The following PCDH15 variants were observed in gnomAD, a reference collection of about 807,000 sequenced individuals.
PCDH15 encodes the protein protocadherin related 15.
Under a neutral mutation model 178.5 loss-of-function variants are expected in PCDH15, and 129 were observed. That is an observed-to-expected ratio of 0.72 (90% confidence interval 0.63 to 0.84). PCDH15 has a LOEUF of 0.84. PCDH15 is among the 40% of genes least tolerant of loss of function. PCDH15 has a pLI of 0.00. For missense variants in PCDH15, 2,230 were observed against 2,099.9 expected (o/e 1.06, Z -1.21); for synonymous variants, 800 against 732.0 (o/e 1.09, Z -1.50).
intron 2 of PCDH15, among the ~76,000 whole-genome samples, chr10:55,446,307 A>ATG (rs1035640246): frequency 6.3e-5 from 8 of 126,094 alleles, no homozygotes; most frequent in Non-Finnish European, 1.1e-4. Flanking sequence ...AGAGATAGAT[A>ATG]TGTGTATATA....
At chr10:55,575,755 C>T (rs1842484823) in intron 2 of PCDH15, 1 of 152,176 alleles carries the variant, frequency 6.6e-6, no homozygotes, top group Admixed American at 6.6e-5. Flanking sequence ...CTGTTAGACA[C>T]TTGGAGGAAA....
intron 2 of PCDH15, among the ~76,000 whole-genome samples, chr10:54,969,124 T>A (rs1224720169): frequency 6.6e-6 from 1 of 152,114 alleles, no homozygotes; most frequent in Non-Finnish European, 1.5e-5. Context: ...TTCTTGCTTT[T>A]TAAAATACCT....
chr10:53,878,537 T>A (rs941076193), intron 26 of PCDH15, among the ~76,000 whole-genome samples: 13 of 146,814 alleles, frequency 8.9e-5, no homozygotes, highest in Non-Finnish European at 1.3e-4. Context: ...TATATATATA[T>A]AATAAAACAC....
chr10:54,329,573 T>C (rs1259165532), intron 7 of PCDH15, 23 bp downstream of exon 7: 1 of 1,512,794 alleles, frequency 6.6e-7, no homozygotes, highest in East Asian at 2.3e-5. Flanking sequence ...ACAGAAGAAA[T>C]TTAAAAGAAA....
chr10:55,001,549 C>G (rs1373172958), intron 2 of PCDH15, among the ~76,000 whole-genome samples: 1 of 152,182 alleles, frequency 6.6e-6, no homozygotes, highest in Non-Finnish European at 1.5e-5. Context: ...GCCTGTTCCA[C>G]CCACAGCCTT....
intron 15 of PCDH15, among the ~76,000 whole-genome samples, chr10:54,115,874 T>C (rs1032307779): frequency 1.3e-5 from 2 of 152,228 alleles, no homozygotes; most frequent in African/African-American, 4.8e-5. Context: ...CATGGATCTA[T>C]AGTTTTGAGA....
intron 8 of PCDH15, among the ~76,000 whole-genome samples, chr10:54,307,576 C>T (rs912198751): frequency 6.6e-6 from 1 of 151,916 alleles, no homozygotes; most frequent in Non-Finnish European, 1.5e-5. Context: ...TATTTTGGCT[C>T]ACAGTATCAC....
chr10:54,683,094 C>T (rs1035944543), intron 1 of PCDH15, among the ~76,000 whole-genome samples: 3 of 152,010 alleles, frequency 2.0e-5, no homozygotes, highest in African/African-American at 7.2e-5. Context: ...TATTATAAGA[C>T]TTTGAAAGTC....
intron 2 of PCDH15, among the ~76,000 whole-genome samples, chr10:55,126,183 C>G (rs1204031801): frequency 6.6e-6 from 1 of 151,992 alleles, no homozygotes; most frequent in Non-Finnish European, 1.5e-5. Context: ...TATTCCTGCT[C>G]TGCTTCTTCT....
intron 22 of PCDH15, 149 bp from the exon 23 acceptor site, chr10:53,959,993 C>A: frequency 1.5e-6 from 1 of 687,134 alleles, no homozygotes; most frequent in South Asian, 1.6e-5. Flanking sequence ...AGGTGGCAGA[C>A]ACTATGCTAG....
rs149511524 is a variant in PCDH15, at chr10:55,124,991, C to T, written c.-80+41585G>A. ...TGACACAAAAGCCATTTAAAATGCTCTCTATAAAAAAAGACCTATTGGCTC... is the reference window on the plus strand; with the variant it reads ...TGACACAAAAGCCATTTAAAATGCTTTCTATAAAAAAAGACCTATTGGCTC... On this transcript the variant is annotated intron_variant, in intron 2 of 5. Coordinates refer to the PCDH15 transcript ENST00000458638. Among the ~76,000 whole-genome samples, 1,232 of 152,014 alleles carry T rather than the reference C, an allele frequency of 8.1e-3. 15 individuals carry two copies. Among genetic ancestry groups the T allele is most frequent in the African/African-American group, 0.027 (1,112 of 41,466 alleles).
At chr10:54,762,584 G>T (rs1164631395) in intron 1 of PCDH15, among the ~76,000 whole-genome samples, 1 of 151,946 alleles carries the variant, frequency 6.6e-6, no homozygotes, top group East Asian at 1.9e-4. Context: ...TGTTTGTCTT[G>T]TTTGAAAAAA....
intron 15 of PCDH15, among the ~76,000 whole-genome samples, chr10:54,115,548 G>T (rs569619549): frequency 3.2e-4 from 48 of 152,268 alleles, no homozygotes; most frequent in Non-Finnish European, 4.1e-4. Context: ...GGCAACCTGC[G>T]TCTAATGAAT....
chr10:54,489,498 C>T (rs1355317553), intron 3 of PCDH15, among the ~76,000 whole-genome samples: 2 of 152,036 alleles, frequency 1.3e-5, no homozygotes, highest in African/African-American at 4.8e-5. Flanking sequence ...ATGAGAGCTA[C>T]AAGAGGAGTT....
chr10:53,921,724 C>G (rs1228727568), intron 25 of PCDH15, among the ~76,000 whole-genome samples: 1 of 152,100 alleles, frequency 6.6e-6, no homozygotes, highest in Non-Finnish European at 1.5e-5. Flanking sequence ...TTTCCTTAGA[C>G]CCTATTCAAT....
rs906566579 is a variant in PCDH15, at chr10:55,153,267, G to A, written c.-80+13309C>T. Among the ~76,000 whole-genome samples, 11 of 152,020 alleles carry A rather than the reference G, an allele frequency of 7.2e-5. No homozygotes were observed. The East Asian group carries it at 2.1e-3, about 29-fold the overall frequency. Reference sequence around the variant, plus strand: ...AAGCCATTCTTGAGCTGCCCAGGTTGTGTCCTGCCCACAGTGGCCCCCAAG... The same window carrying A: ...AAGCCATTCTTGAGCTGCCCAGGTTATGTCCTGCCCACAGTGGCCCCCAAG... On this transcript the variant is annotated intron_variant, in intron 2 of 5. Coordinates refer to the PCDH15 transcript ENST00000458638.
chr10:53,999,311 G>A (rs562184810), intron 20 of PCDH15, among the ~76,000 whole-genome samples: 8 of 152,152 alleles, frequency 5.3e-5, no homozygotes, highest in African/African-American at 1.9e-4. Context: ...TACCAGTTCT[G>A]TTTTCCACTA....
intron 1 of PCDH15, among the ~76,000 whole-genome samples, chr10:54,730,788 A>G (rs1028695092): frequency 2.6e-5 from 4 of 151,524 alleles, no homozygotes; most frequent in African/African-American, 9.7e-5. Context: ...TAAACCTGAA[A>G]CTATGAAACT....
chr10:53,822,369 A>AT, intron 32 of PCDH15: 2 of 1,575,934 alleles, frequency 1.3e-6, no homozygotes, highest in South Asian at 2.3e-5. Flanking sequence ...AGGAAGAGGG[A>AT]TAGAAGGAGG....
Sources: allele counts gnomAD v4.1 joint callset (sites outside exome capture counted in the v4.1 genomes callset), GRCh38; gene constraint gnomAD v4.1.1; transcripts MANE v1.5; gene names NCBI Gene and HGNC (gene_info 2026-07-23, HGNC 2026-07-21).